The following CSMD2 variants were observed in gnomAD, a reference collection of about 807,000 sequenced individuals.
The protein encoded by CSMD2 is CUB and Sushi multiple domains 2, also known as CUB and sushi domain-containing protein 2.
In CSMD2, 130 loss-of-function variants were observed where a neutral mutation model predicts 398.5. The observed-to-expected ratio is 0.33, with a 90% confidence interval of 0.28 to 0.38. CSMD2 has a LOEUF of 0.38. Among genes scored for constraint, CSMD2 ranks in the 10% least tolerant of loss-of-function variants. The pLI is 1.00. For missense variants in CSMD2, 3,829 were observed against 4,764.9 expected, an observed-to-expected ratio of 0.80 and a Z score of 5.78; for synonymous variants, 1,828 against 1,908.5, an observed-to-expected ratio of 0.96 and a Z score of 1.10.
At chr1:34,156,510 T>A (rs934137431) in intron 1 of CSMD2, among the ~76,000 whole-genome samples, 3 of 152,230 alleles carry the variant, frequency 2.0e-5, no homozygotes, top group Non-Finnish European at 4.4e-5. Flanking sequence ...ACTCACTTAC[T>A]TTCAATCAAT....
chr1:33,970,624 AG>A (rs1461211578), intron 3 of CSMD2, among the ~76,000 whole-genome samples: 2 of 152,172 alleles, frequency 1.3e-5, no homozygotes, highest in African/African-American at 4.8e-5. Flanking sequence ...CTTCCCCAGA[AG>A]GGAGATGGCT....
At chr1:33,780,138 G>A (rs1652531241) in intron 12 of CSMD2, among the ~76,000 whole-genome samples, 1 of 152,112 alleles carries the variant, frequency 6.6e-6, no homozygotes, top group African/African-American at 2.4e-5. Context: ...AGAGCCAGGG[G>A]TCGCATCCCT....
intron 3 of CSMD2, among the ~76,000 whole-genome samples, chr1:33,975,340 A>G (rs1008182205): frequency 1.3e-5 from 2 of 152,056 alleles, no homozygotes; most frequent in African/African-American, 4.8e-5. Flanking sequence ...CTCCTGGGTT[A>G]GAGTACAAAC....
intron 41 of CSMD2, among the ~76,000 whole-genome samples, chr1:33,607,336 AAG>A (rs778445837): frequency 6.6e-6 from 1 of 152,178 alleles, no homozygotes; most frequent in Non-Finnish European, 1.5e-5. Flanking sequence ...AATTTTGAGA[AAG>A]AGTAAAGAGT....
intron 44 of CSMD2, among the ~76,000 whole-genome samples, chr1:33,593,599 A>C (rs1639626113): frequency 6.6e-6 from 1 of 152,200 alleles, no homozygotes; most frequent in South Asian, 2.1e-4. Flanking sequence ...ACCCACCCCC[A>C]TAATTCAGGT....
chr1:33,624,952 G>T lies in CSMD2; in HGVS notation c.5500+99C>A. ...AGCCATGCGGTGGGAAGCGGCTGCTGTGTGTCGTGGGGCATCACTGGGGCT... is the reference window on the plus strand; with the variant it reads ...AGCCATGCGGTGGGAAGCGGCTGCTTTGTGTCGTGGGGCATCACTGGGGCT... On this transcript the variant is annotated intron_variant, in intron 34 of 70. Coordinates refer to ENST00000373381, the MANE Select transcript of CSMD2 (RefSeq NM_001281956.2). This position sits in a 1 kb window ranked among gnomAD's most constrained non-coding sequence, Gnocchi z 4.7. The T allele has an allele frequency of 8.1e-7, 1 of 1,235,992 alleles. No individual in the cohort carries two copies. Among genetic ancestry groups the T allele is most frequent in the Non-Finnish European group, 1.2e-6 (1 of 852,702 alleles). The allele number at this position is 1,235,992 out of a possible 1,614,324, so 76.6% of individuals were successfully genotyped here. A position where few individuals can be genotyped will look rare whatever the true frequency, so the allele number is the denominator to read the frequency against.
intron 32 of CSMD2, among the ~76,000 whole-genome samples, chr1:33,626,910 A>T (rs752696708): frequency 6.6e-6 from 1 of 152,174 alleles, no homozygotes; most frequent in Non-Finnish European, 1.5e-5. Context: ...GCTGCTAGGG[A>T]TGTGTGGAGC....
intron 53 of CSMD2, 97 bp downstream of exon 53, chr1:33,567,496 T>TATATATATATATATATA (rs61334036): frequency 4.4e-5 from 41 of 934,466 alleles, no homozygotes; most frequent in East Asian, 1.5e-4. Context: ...TATATATATA[T>TATATATATATATATATA]TTAAAACAAA....
At chr1:34,045,872 C>T (rs1427026701) in intron 2 of CSMD2, among the ~76,000 whole-genome samples, 2 of 152,228 alleles carry the variant, frequency 1.3e-5, no homozygotes, top group East Asian at 3.8e-4. Context: ...AATCATGTTG[C>T]ACAGAATACT....
At chr1:34,005,929 A>G (rs976182535) in intron 3 of CSMD2, among the ~76,000 whole-genome samples, 3 of 152,224 alleles carry the variant, frequency 2.0e-5, no homozygotes, top group African/African-American at 7.2e-5. Flanking sequence ...CACAAATAGC[A>G]CATGTGCCAC....
intron 68 of CSMD2, among the ~76,000 whole-genome samples, chr1:33,520,685 G>A (rs1228153414): frequency 6.6e-6 from 1 of 152,254 alleles, no homozygotes; most frequent in Non-Finnish European, 1.5e-5. Flanking sequence ...AAGGGTGGGA[G>A]CAGACCGTGG....
intron 44 of CSMD2, among the ~76,000 whole-genome samples, chr1:33,597,674 G>C (rs1003862459): frequency 6.6e-6 from 1 of 152,186 alleles, no homozygotes; most frequent in African/African-American, 2.4e-5. Context: ...GGTTATAACT[G>C]CTTCTAAGAT....
chr1:33,831,036 T>G, intron 6 of CSMD2, among the ~76,000 whole-genome samples: 1 of 152,190 alleles, frequency 6.6e-6, no homozygotes, highest in Non-Finnish European at 1.5e-5. Context: ...TACGTCTGAT[T>G]GGTGTACCTG....
intron 5 of CSMD2, chr1:33,862,556 G>C (rs1316995959): frequency 6.6e-6 from 1 of 152,188 alleles, no homozygotes; most frequent in East Asian, 1.9e-4. Context: ...TTGGGAGAAA[G>C]AGCCAGGGGG....
rs181852820 is a variant in CSMD2 at position 33,964,752 on chromosome 1, G to A, written c.518-28798C>T. Among the ~76,000 whole-genome samples, 3 of 152,274 alleles carry A rather than the reference G, an allele frequency of 2.0e-5. No individual in the cohort carries two copies. The East Asian group carries it at 5.8e-4, about 29-fold the overall frequency. On this transcript the variant is annotated intron_variant, in intron 3 of 70. Transcript: ENST00000373381. ...GGCCTTCCTGGCCCTAGATGGTTGA[G>A]GGGTAGGGCGCTGCAGCACTGGGAG...
chr1:33,669,258 A>C (rs1408816875), intron 25 of CSMD2, among the ~76,000 whole-genome samples: 1 of 152,238 alleles, frequency 6.6e-6, no homozygotes, highest in African/African-American at 2.4e-5. Context: ...AGTGTCTTTG[A>C]AACAGTTTTG....
chr1:34,020,727 A>T (rs1270376992), intron 3 of CSMD2, among the ~76,000 whole-genome samples: 1 of 152,092 alleles, frequency 6.6e-6, no homozygotes, highest in Non-Finnish European at 1.5e-5. Flanking sequence ...CTAGGCCTCA[A>T]CTTCCTTATC....
rs115815962 is a variant in CSMD2, at chr1:33,729,400, A to C, written c.2369-2715T>G. On this transcript the variant is annotated intron_variant, in intron 15 of 70. Transcript: ENST00000373381. The stretch of plus-strand genomic sequence containing the variant: ...CTGTCCTTCACTTTCTCTGTTGTTC[A>C]TCTTCATATTGCAGAGTGGTAGTTG... Among the ~76,000 whole-genome samples the C allele has an allele frequency of 4.9e-3, 734 of 149,218 alleles. 5 individuals are homozygous for C. The highest frequency in any genetic ancestry group is 0.017 in the African/African-American group (700 of 40,580).
intron 1 of CSMD2, among the ~76,000 whole-genome samples, chr1:34,114,088 A>G (rs979458552): frequency 6.6e-6 from 1 of 152,146 alleles, no homozygotes; most frequent in African/African-American, 2.4e-5. Context: ...ACACCAGAGA[A>G]CCTGAGTACC....
Sources: allele counts gnomAD v4.1 joint callset (sites outside exome capture counted in the v4.1 genomes callset), GRCh38; gene constraint gnomAD v4.1.1; non-coding constraint Gnocchi (gnomAD v3.1); transcripts MANE v1.5; gene names NCBI Gene and HGNC (gene_info 2026-07-23, HGNC 2026-07-21).